SLAIN1: variants seen among roughly 807,000 people sequenced by gnomAD.
The protein encoded by SLAIN1 is SLAIN family member 1.
SLAIN1 carries 17 observed loss-of-function variants against 55.4 expected under a neutral mutation model. The observed-to-expected ratio is 0.31, with a 90% CI of 0.21 to 0.46. SLAIN1 has a LOEUF of 0.46. Ranked by LOEUF, SLAIN1 falls within the 20% of genes least tolerant of loss-of-function variation. SLAIN1 has a pLI of 1.00. For synonymous variants in SLAIN1, 348 were observed against 337.4 expected, an observed-to-expected ratio of 1.03 and a Z score of -0.35; for missense variants, 682 against 785.1, an observed-to-expected ratio of 0.87 and a Z score of 1.57.
chr13:77,700,120 AGAT>A (rs1315525774), intron 1 of SLAIN1, among the ~76,000 whole-genome samples: 1 of 152,194 alleles, frequency 6.6e-6, no homozygotes, highest in Non-Finnish European at 1.5e-5. Context: ...TGTAAATATG[AGAT>A]TAGTAATCTA....
intron 1 of SLAIN1, among the ~76,000 whole-genome samples, chr13:77,710,352 C>A (rs191204561): frequency 1.1e-4 from 17 of 151,872 alleles, no homozygotes; most frequent in Non-Finnish European, 2.1e-4. Context: ...TGCAAAGGCA[C>A]ATATAGGCTC....
At chr13:77,740,922 T>C (rs1419656357) in intron 2 of SLAIN1, among the ~76,000 whole-genome samples, 1 of 152,082 alleles carries the variant, frequency 6.6e-6, no homozygotes, top group East Asian at 1.9e-4. Context: ...TTAGCCTGCC[T>C]TTACAATAAT....
At chr13:77,756,883 T>G (rs1240279159) in intron 5 of SLAIN1, among the ~76,000 whole-genome samples, 1 of 151,570 alleles carries the variant, frequency 6.6e-6, no homozygotes, top group Non-Finnish European at 1.5e-5. Flanking sequence ...TTTGGGGGAG[T>G]TTTGACTAGG....
At chr13:77,741,361 A>G (rs1333350766) in intron 2 of SLAIN1, 1 of 987,340 alleles carries the variant, frequency 1.0e-6, no homozygotes, top group Non-Finnish European at 1.2e-6. Flanking sequence ...TCTGGAGTCA[A>G]GTTGACCTAC....
In SLAIN1 at chr13:77,702,014, G is replaced by C. The variant is rs1258204600; in HGVS notation, c.626+3475G>C. 2.1e-5 allele frequency among the ~76,000 whole-genome samples: 3 copies of C among 144,406 alleles called. No homozygotes were observed. In the Admixed American group the frequency reaches 2.2e-4, roughly 10 times the overall value. 94.7% of individuals were successfully genotyped at this position (144,406 alleles called of 152,430 possible). A position where few individuals can be genotyped will look rare whatever the true frequency, so the allele number is the denominator to read the frequency against. On this transcript the variant is annotated intron_variant, in intron 1 of 6. Coordinates refer to ENST00000418532, the MANE Select transcript of SLAIN1 (RefSeq NM_001242868.2). ...TTCCCACCTATGAGTGAGAATATGCGGTGTTTGGTTTTTTGTTCTTGCGAT... is the reference window on the plus strand; with the variant it reads ...TTCCCACCTATGAGTGAGAATATGCCGTGTTTGGTTTTTTGTTCTTGCGAT...
intron 6 of SLAIN1, among the ~76,000 whole-genome samples, chr13:77,761,540 C>T (rs1262488522): frequency 6.6e-6 from 1 of 152,126 alleles, no homozygotes; most frequent in Non-Finnish European, 1.5e-5. Flanking sequence ...AAGAACTATG[C>T]CCAATACAGG....
At chr13:77,752,761 G>A (rs1403115889) in intron 4 of SLAIN1, among the ~76,000 whole-genome samples, 4 of 152,212 alleles carry the variant, frequency 2.6e-5, no homozygotes, top group African/African-American at 4.8e-5. Flanking sequence ...TCTGATGCTC[G>A]AGGGTAGGAA....
intron 2 of SLAIN1, among the ~76,000 whole-genome samples, chr13:77,735,092 C>T (rs1218368407): frequency 6.6e-6 from 1 of 151,884 alleles, no homozygotes; most frequent in Non-Finnish European, 1.5e-5. Flanking sequence ...CTTGCTATAA[C>T]ATTTCATTAA....
Position 77,698,226 on chromosome 13 carries a change from G to C in SLAIN1, c.313G>C (p.Gly105Arg). The part of the protein sequence containing the change: ...GLGLGLALGA[G>R]GGGGSGSGSG... ...GGGGCTCGGGCTGGCGCTGGGCGCG[G>C]GGGGCGGTGGCGGCAGCGGTAGTGG... Residue 105 changes from glycine (G) to arginine (R), a missense_variant, in exon 1 of 7, where the codon GGG becomes CGG. Coordinates refer to ENST00000418532, the MANE Select transcript of SLAIN1 (RefSeq NM_001242868.2). This position sits in a 1 kb window ranked among gnomAD's most constrained non-coding sequence, Gnocchi z 4.1. The C allele has an allele frequency of 1.5e-6, 2 of 1,322,280 alleles. No individual in the cohort carries two copies. The highest frequency in any genetic ancestry group is 3.9e-5 in the South Asian group (2 of 51,570). 81.9% of individuals were successfully genotyped at this position (1,322,280 alleles called of 1,614,324 possible). A position where few individuals can be genotyped will look rare whatever the true frequency, so the allele number is the denominator to read the frequency against.
chr13:77,698,998 G>A lies in SLAIN1; in HGVS notation c.626+459G>A. 6.5e-7 allele frequency: 1 copy of A among 1,534,922 alleles called. No individual in the cohort carries two copies. Among genetic ancestry groups the A allele is most frequent in the Non-Finnish European group, 8.7e-7 (1 of 1,146,780 alleles). Reference sequence around the variant, plus strand: ...AACGAACGCTGGACAGGATTTGCGTGCTCTTCCTCCTCGGGTGGCATCGGA... The same window carrying A: ...AACGAACGCTGGACAGGATTTGCGTACTCTTCCTCCTCGGGTGGCATCGGA... On this transcript the variant is annotated intron_variant, in intron 1 of 6. Coordinates refer to ENST00000418532, the MANE Select transcript of SLAIN1 (RefSeq NM_001242868.2). The surrounding 1 kb of genome is among the most constrained non-coding windows in gnomAD (Gnocchi z 4.1).
At chr13:77,701,280 TAATCACTGG>T (rs2091028218) in intron 1 of SLAIN1, among the ~76,000 whole-genome samples, 3 of 152,210 alleles carry the variant, frequency 2.0e-5, no homozygotes, top group African/African-American at 7.2e-5. Context: ...AAATGTAGAT[TAATCACTGG>T]ATATTTTAGC....
intron 2 of SLAIN1, among the ~76,000 whole-genome samples, chr13:77,726,213 A>G (rs776110574): frequency 7.9e-5 from 12 of 152,192 alleles, no homozygotes; most frequent in Non-Finnish European, 1.8e-4. Flanking sequence ...ATAAGATTTA[A>G]TTTTGTAGGG....
rs577457046 is a variant in SLAIN1 at position 77,741,288 on chromosome 13, T to C, written c.767-2995T>C. 3.0e-6 allele frequency: 3 copies of C among 987,402 alleles called. No homozygotes were observed. The Admixed American group carries it at 1.8e-4, about 61-fold the overall frequency. The allele number at this position is 987,402 out of a possible 1,614,324, so 61.2% of individuals were successfully genotyped here. On this transcript the variant is annotated intron_variant, in intron 2 of 6. Transcript: ENST00000418532. Reference sequence around the variant, plus strand: ...AATGAGAAACTTTGAATAATAGAGATTGAACATGTGAGAACAGCTACCTAG... The same window carrying C: ...AATGAGAAACTTTGAATAATAGAGACTGAACATGTGAGAACAGCTACCTAG...
At chr13:77,728,047 G>GTCT (rs976740814) in intron 2 of SLAIN1, among the ~76,000 whole-genome samples, 1 of 152,110 alleles carries the variant, frequency 6.6e-6, no homozygotes, top group African/African-American at 2.4e-5. Context: ...GAAAAATTTT[G>GTCT]TAAGTGTAGT....
chr13:77,744,293 C>T lies in SLAIN1; in HGVS notation c.777C>T (p.Ser259=). The stretch of plus-strand genomic sequence containing the variant: ...TCCTTTGTGTTTCAGGTTACACTTC[C>T]AGGGGCTCCCCACTCAGTCCCCAGT... ...LCFRLEQGYT[S]RGSPLSPQSS... The change falls in exon 3 of 7, where the codon TCC becomes TCT. Residue 259 remains serine (S), a synonymous_variant. Coordinates refer to ENST00000418532, the MANE Select transcript of SLAIN1 (RefSeq NM_001242868.2). 1 of 1,612,404 alleles carries T rather than the reference C, an allele frequency of 6.2e-7. No homozygotes were observed. The highest frequency in any genetic ancestry group is 8.5e-7 in the Non-Finnish European group (1 of 1,178,896).
intron 5 of SLAIN1, among the ~76,000 whole-genome samples, chr13:77,754,587 T>A (rs1874468584): frequency 6.6e-6 from 1 of 152,198 alleles, no homozygotes; most frequent in African/African-American, 2.4e-5. Flanking sequence ...TCCTTTTCCT[T>A]CTTCGTTCAG....
chr13:77,697,737 G>C lies in SLAIN1; in HGVS notation c.-177G>C. 4.7e-6 allele frequency: 2 copies of C among 427,860 alleles called. No homozygotes were observed. Among genetic ancestry groups the C allele is most frequent in the Non-Finnish European group, 7.0e-6 (2 of 286,824 alleles). 26.5% of individuals were successfully genotyped at this position (427,860 alleles called of 1,614,324 possible). On this transcript the variant is annotated 5_prime_UTR_variant, in exon 1 of 7. Transcript: ENST00000418532. ...TGTGCAGATCAGCTCGGTGGTGGCT[G>C]CCGCGGCCGGAGGCGAGGGCCCGGT...
chr13:77,702,911 G>T (rs998794563), intron 1 of SLAIN1, among the ~76,000 whole-genome samples: 8 of 152,040 alleles, frequency 5.3e-5, no homozygotes, highest in Non-Finnish European at 1.2e-4. Context: ...ACGTATTTTT[G>T]CATTATGATC....
chr13:77,721,910 A>G (rs1160325061), intron 2 of SLAIN1, among the ~76,000 whole-genome samples: 1 of 149,556 alleles, frequency 6.7e-6, no homozygotes, highest in Non-Finnish European at 1.5e-5. Flanking sequence ...CCACCCCGGC[A>G]TTAAGTCATT....
Sources: allele counts gnomAD v4.1 joint callset (sites outside exome capture counted in the v4.1 genomes callset), GRCh38; gene constraint gnomAD v4.1.1; non-coding constraint Gnocchi (gnomAD v3.1); transcripts MANE v1.5; gene names NCBI Gene and HGNC (gene_info 2026-07-23, HGNC 2026-07-21).